Variants in MYH14 observed in about 807,000 individuals in gnomAD.
The protein encoded by MYH14 is myosin heavy chain 14.
In MYH14, 123 loss-of-function variants were observed where a neutral mutation model predicts 255.5. The observed-to-expected ratio is 0.48, with a 90% CI of 0.42 to 0.56. MYH14 has a LOEUF of 0.56. Ranked by LOEUF, MYH14 falls within the 20% of genes least tolerant of loss-of-function variation. The pLI, the probability that MYH14 is intolerant of heterozygous loss-of-function variation, is 0.00. For missense variants in MYH14, 2,423 were observed against 2,802.3 expected (o/e 0.86, Z 3.06); for synonymous variants, 1,095 against 1,161.2 (o/e 0.94, Z 1.16).
chr19:50,258,062 T>C (rs961376656), intron 18 of MYH14, among the ~76,000 whole-genome samples: 2 of 152,044 alleles, frequency 1.3e-5, no homozygotes, highest in Admixed American at 1.3e-4. Context: ...CTGATTTTCA[T>C]GTTGAGAAAA....
chr19:50,222,479 C>CAAAAAAA (rs542179852), intron 3 of MYH14, among the ~76,000 whole-genome samples: 3 of 69,860 alleles, frequency 4.3e-5, no homozygotes, highest in Non-Finnish European at 8.0e-5. Context: ...GACTCCGTCT[C>CAAAAAAA]AAAAAAAAAA....
chr19:50,274,835 G>A (rs1426190991), intron 27 of MYH14, among the ~76,000 whole-genome samples: 2 of 151,830 alleles, frequency 1.3e-5, no homozygotes, highest in Non-Finnish European at 2.9e-5. Flanking sequence ...GAGGACTGAG[G>A]TGGGAGGATC....
Position 50,293,658 on chromosome 19 carries a change from A to G in MYH14, c.5440A>G (p.Asn1814Asp), listed in dbSNP as rs2036166150. 1.3e-6 allele frequency: 2 copies of G among 1,599,916 alleles called. No individual in the cohort carries two copies. The highest frequency in any genetic ancestry group is 1.7e-6 in the Non-Finnish European group (2 of 1,172,788). ...GGAGCAGAGCAACTCGGAGCTGCTC[A>G]ATGACCGCTACCGCAAGCTGCTCCT... ...EEEQSNSELLNDRYRKLLLQV... is the reference protein window; with the variant it reads ...EEEQSNSELLDDRYRKLLLQV... The change falls in exon 39 of 43, where the codon AAT becomes GAT. Residue 1814 changes from asparagine to aspartate, a missense_variant. By Grantham distance (23) the Asn-to-Asp change is conservative. This residue lies in a region of MYH14 where 1,513 missense variants were observed against 1,674.8 expected (regional missense o/e 0.90). Transcript: ENST00000642316. This position sits in a 1 kb window ranked among gnomAD's most constrained non-coding sequence, Gnocchi z 4.1.
At chr19:50,270,135 A>T (rs1381071654) in intron 24 of MYH14, among the ~76,000 whole-genome samples, 31 of 152,154 alleles carry the variant, frequency 2.0e-4, no homozygotes. Flanking sequence ...AGGTGGGAGG[A>T]TCACCTGAGC....
At chr19:50,219,002 G>A (rs1600870458) in intron 3 of MYH14, among the ~76,000 whole-genome samples, 1 of 100,834 alleles carries the variant, frequency 9.9e-6, no homozygotes, top group East Asian at 3.2e-4. Flanking sequence ...CCCATGGTGT[G>A]TATATATATA....
At chr19:50,267,094 T>G (rs2035114620) in intron 23 of MYH14, 86 bp downstream of exon 23, 4 of 1,324,358 alleles carry the variant, frequency 3.0e-6, no homozygotes. Context: ...GGGGCGGGGC[T>G]TCCGGCTGAG....
chr19:50,281,499 C>G lies in MYH14; in HGVS notation c.4291-95C>G. ...GAATGACCCCTTTCCCTCTTCAGGCCTCAGTCTCTTCATCCTGGAAATGGA... is the reference window on the plus strand; with the variant it reads ...GAATGACCCCTTTCCCTCTTCAGGCGTCAGTCTCTTCATCCTGGAAATGGA... On this transcript the variant is annotated intron_variant, in intron 32 of 42. Coordinates refer to ENST00000642316, the MANE Select transcript of MYH14 (RefSeq NM_001145809.2). The G allele has an allele frequency of 2.7e-6, 4 of 1,500,256 alleles. No homozygotes were observed. In the Admixed American group the frequency reaches 9.2e-5, roughly 34 times the overall value. 92.9% of individuals were successfully genotyped at this position (1,500,256 alleles called of 1,614,324 possible).
chr19:50,305,846 C>T (rs972043767), intron 40 of MYH14, among the ~76,000 whole-genome samples: 6 of 152,142 alleles, frequency 3.9e-5, no homozygotes, highest in South Asian at 2.1e-4. Context: ...GTGGGAGGAT[C>T]GCTTGAGCCC....
intron 18 of MYH14, 35 bp from the exon 19 acceptor site, chr19:50,259,109 C>G (rs1330245925): frequency 6.5e-7 from 1 of 1,535,866 alleles, no homozygotes; most frequent in East Asian, 2.5e-5. Flanking sequence ...CGTGTGGCCG[C>G]CGCTGACCCC....
intron 10 of MYH14, 67 bp from the exon 11 acceptor site, chr19:50,244,175 A>T: frequency 7.2e-7 from 1 of 1,397,606 alleles, no homozygotes; most frequent in Non-Finnish European, 1.0e-6. Flanking sequence ...TTACATGTTT[A>T]AGGGGCCAGT....
chr19:50,213,299 G>T (rs1355534256), intron 2 of MYH14, among the ~76,000 whole-genome samples: 2 of 152,132 alleles, frequency 1.3e-5, no homozygotes, highest in Non-Finnish European at 2.9e-5. Context: ...ACCTTGTAAG[G>T]TATCTGCTGT....
In MYH14 at chr19:50,230,280, G is replaced by T. The variant is rs868736869; in HGVS notation, c.875-245G>T. 4.6e-5 allele frequency among the ~76,000 whole-genome samples: 7 copies of T among 152,152 alleles called. No homozygotes were observed. Among genetic ancestry groups the T allele is most frequent in the Middle Eastern group, 3.4e-3 (1 of 292 alleles). ...AAAAGAGAGAGAGAGAGAGAGGAAG[G>T]TCTCCTAAAGGTGTTATTTTCAAGC... On this transcript the variant is annotated intron_variant, in intron 8 of 42. Transcript: ENST00000642316. The surrounding 1 kb of genome is among the most constrained non-coding windows in gnomAD (Gnocchi z 4.7).
At chr19:50,292,065 G>A (rs1202044404) in intron 36 of MYH14, among the ~76,000 whole-genome samples, 196 bp from the exon 37 acceptor site, 2 of 152,094 alleles carry the variant, frequency 1.3e-5, no homozygotes, top group African/African-American at 2.4e-5. Context: ...CCTCCCTTGA[G>A]GACCAGAGTG....
chr19:50,286,548 G>C lies in MYH14; in HGVS notation c.4606G>C (p.Gly1536Arg). ...GGAACGTGAGCGGGCCGAGGCAGAGGGCCGGGAGCGTGAGGCTCGGGCCCT... is the reference window on the plus strand; with the variant it reads ...GGAACGTGAGCGGGCCGAGGCAGAGCGCCGGGAGCGTGAGGCTCGGGCCCT... ...VEERERAEAE[G>R]REREARALSL... The change falls in exon 34 of 43, where the codon GGC becomes CGC. Residue 1536 changes from glycine (G) to arginine (R), a missense_variant. Coordinates refer to ENST00000642316, the MANE Select transcript of MYH14 (RefSeq NM_001145809.2). 1 of 1,613,130 alleles carries C rather than the reference G, an allele frequency of 6.2e-7. No individual in the cohort carries two copies. Among genetic ancestry groups the C allele is most frequent in the Non-Finnish European group, 8.5e-7 (1 of 1,179,638 alleles).
chr19:50,215,459 G>C (rs2032427287), intron 2 of MYH14, among the ~76,000 whole-genome samples: 1 of 152,178 alleles, frequency 6.6e-6, no homozygotes, highest in South Asian at 2.1e-4. Flanking sequence ...TTGGCACCTG[G>C]GACCAGGCAG....
rs373291384 is a variant in MYH14 at position 50,286,686 on chromosome 19, G to T, written c.4744G>T (p.Gly1582Cys). 3.2e-6 allele frequency: 5 copies of T among 1,571,580 alleles called. No homozygotes were observed. The Admixed American group carries it at 5.7e-5, about 18-fold the overall frequency. Residue 1582 changes from glycine to cysteine, a missense_variant, in exon 34 of 43, where the codon GGC (glycine) becomes TGC (cysteine). Physicochemically the swap from Gly to Cys is radical, Grantham distance 159. Around this residue, in one of 3 missense-constraint regions of MYH14, gnomAD observed 1,513 missense variants for 1,674.8 expected, o/e 0.90. Coordinates refer to ENST00000642316, the MANE Select transcript of MYH14 (RefSeq NM_001145809.2). Reference protein sequence around the residue: ...EALLSSKDDVGKSVHELERAC... With the variant: ...EALLSSKDDVCKSVHELERAC... Reference sequence around the variant, plus strand: ...ACTGCTGAGCAGCAAGGATGACGTCGGCAAGAGCGTGAGCAGGGCCCCCGC... The same window carrying T: ...ACTGCTGAGCAGCAAGGATGACGTCTGCAAGAGCGTGAGCAGGGCCCCCGC...
At position 50,278,271 on chromosome 19, in the gene MYH14, G is replaced by C; in HGVS notation, c.4014G>C (p.Glu1338Asp). ...AGAGGGCACGAGCGGAGGCTGCTGA[G>C]AAGCTGCAGCGAGCCCAGGTAAGTG... The part of the protein sequence containing the change: ...DGERARAEAA[E>D]KLQRAQAELE... Residue 1338 changes from glutamate to aspartate, a missense_variant, in exon 30 of 43, where the codon GAG becomes GAC. Transcript: ENST00000642316. 3 of 1,562,854 alleles carry C rather than the reference G, an allele frequency of 1.9e-6. No individual in the cohort carries two copies. The highest frequency in any genetic ancestry group is 2.6e-6 in the Non-Finnish European group (3 of 1,153,072).
intron 33 of MYH14, among the ~76,000 whole-genome samples, chr19:50,283,902 G>A (rs975535988): frequency 6.6e-5 from 10 of 151,992 alleles, no homozygotes; most frequent in Admixed American, 3.9e-4. Flanking sequence ...GAGAAACCCC[G>A]TCTCTACTAA....
chr19:50,208,280 A>T (rs1266622738), intron 1 of MYH14, among the ~76,000 whole-genome samples: 2 of 152,038 alleles, frequency 1.3e-5, no homozygotes, highest in Non-Finnish European at 2.9e-5. Context: ...CCAGGCATAG[A>T]GGCATGCGCC....
Sources: allele counts gnomAD v4.1 joint callset (sites outside exome capture counted in the v4.1 genomes callset), GRCh38; gene constraint gnomAD v4.1.1; regional missense constraint gnomAD v4.1.1; non-coding constraint Gnocchi (gnomAD v3.1); transcripts MANE v1.5; gene names NCBI Gene and HGNC (gene_info 2026-07-23, HGNC 2026-07-21).